Variants in CNTNAP5 observed in about 807,000 individuals in gnomAD.
CNTNAP5 encodes contactin-associated protein-like 5.
CNTNAP5 carries 72 observed loss-of-function variants against 150.2 expected under a neutral mutation model. The observed-to-expected ratio is 0.48, with a 90% confidence interval of 0.40 to 0.58. The LOEUF (loss-of-function observed/expected upper bound fraction) is 0.58, where lower values mean the gene tolerates loss of function less well. CNTNAP5 is among the 20% of genes least tolerant of loss of function. CNTNAP5 has a pLI of 0.00. For missense variants in CNTNAP5, 1,636 were observed against 1,626.2 expected, an observed-to-expected ratio of 1.01 and a Z score of -0.10; for synonymous variants, 672 against 619.8, an observed-to-expected ratio of 1.08 and a Z score of -1.25.
At chr2:124,726,417 C>T (rs530672386) in intron 13 of CNTNAP5, among the ~76,000 whole-genome samples, 2 of 152,120 alleles carry the variant, frequency 1.3e-5, no homozygotes, top group African/African-American at 2.4e-5. Context: ...GTTTTCTCTC[C>T]CCTGTCACCA....
chr2:124,365,650 T>C (rs892813661), intron 3 of CNTNAP5, among the ~76,000 whole-genome samples: 6 of 152,170 alleles, frequency 3.9e-5, no homozygotes, highest in Admixed American at 6.5e-5. Flanking sequence ...AGATCCAGCT[T>C]TACTACCTCT....
chr2:124,663,620 G>A (rs1678638005), intron 13 of CNTNAP5, among the ~76,000 whole-genome samples: 1 of 152,104 alleles, frequency 6.6e-6, no homozygotes, highest in Admixed American at 6.5e-5. Flanking sequence ...AGAGAGGAAA[G>A]GAGGGAAAAT....
chr2:124,770,777 T>C lies in CNTNAP5; in HGVS notation c.2534-2022T>C, dbSNP rs796807439. Among the ~76,000 whole-genome samples the C allele has an allele frequency of 1.7e-4, 26 of 152,262 alleles. 1 individual carries two copies. Among genetic ancestry groups the C allele is most frequent in the African/African-American group, 6.0e-4 (25 of 41,568 alleles). On this transcript the variant is annotated intron_variant, in intron 16 of 23. Coordinates refer to ENST00000682447, the MANE Select transcript of CNTNAP5 (RefSeq NM_001367498.1). ...TTTGCCTAGGTTGAAAAATCACAGATCACAGTAATAATAACAACAGCCATC... is the reference window on the plus strand; with the variant it reads ...TTTGCCTAGGTTGAAAAATCACAGACCACAGTAATAATAACAACAGCCATC...
At chr2:124,798,986 T>G (rs1356865728) in intron 19 of CNTNAP5, among the ~76,000 whole-genome samples, 1 of 152,144 alleles carries the variant, frequency 6.6e-6, no homozygotes, top group Non-Finnish European at 1.5e-5. Flanking sequence ...TACTCCTACT[T>G]GATACAAAAT....
At chr2:124,707,466 T>C (rs770269282) in intron 13 of CNTNAP5, among the ~76,000 whole-genome samples, 1 of 152,230 alleles carries the variant, frequency 6.6e-6, no homozygotes. Flanking sequence ...CATTATTTCA[T>C]TATCTAAATA....
chr2:124,605,809 CAAAAAAA>C (rs36090348), intron 11 of CNTNAP5, among the ~76,000 whole-genome samples: 25 of 34,422 alleles, frequency 7.3e-4, no homozygotes, highest in Middle Eastern at 0.018. Context: ...AAGACTCTGT[CAAAAAAA>C]AAAAAAAAAA....
chr2:124,524,582 G>GCACATA (rs1335389466), intron 9 of CNTNAP5, 130 bp downstream of exon 9: 3 of 795,180 alleles, frequency 3.8e-6, no homozygotes, highest in Non-Finnish European at 5.9e-6. Flanking sequence ...ACACACACAT[G>GCACATA]CACATACACA....
rs145290131 is a variant in CNTNAP5 at position 124,307,006 on chromosome 2, G to T, written c.381+64613G>T. Among the ~76,000 whole-genome samples the T allele has an allele frequency of 3.1e-3, 473 of 152,082 alleles. 5 individuals are homozygous for T. Among genetic ancestry groups the T allele is most frequent in the African/African-American group, 0.011 (453 of 41,482 alleles). ...GCCTTCCAAAGTGCTGGGATTATAGGAATGAGCCACTGCAGCCAGCCTGGT... is the reference window on the plus strand; with the variant it reads ...GCCTTCCAAAGTGCTGGGATTATAGTAATGAGCCACTGCAGCCAGCCTGGT... On this transcript the variant is annotated intron_variant, in intron 3 of 23. Transcript: ENST00000682447.
At chr2:124,064,641 A>G (rs1245661957) in intron 1 of CNTNAP5, among the ~76,000 whole-genome samples, 1 of 152,128 alleles carries the variant, frequency 6.6e-6, no homozygotes, top group African/African-American at 2.4e-5. Flanking sequence ...GCTTTTTGAT[A>G]AAGTCAAAAC....
Position 124,571,527 on chromosome 2 carries a change from C to CTTTTTTTTTTTTTTTTTTTTTTTTT in CNTNAP5, c.1756+8225_1756+8226insTTTTTTTTTTTTTTTTTTTTTTTTT, listed in dbSNP as rs1214169811. ...CACTGAGTACTTTTTTTTCTTTTTT[C>CTTTTTTTTTTTTTTTTTTTTTTTTT]TTTTTTTTTTTTTTTTTTTTTGAGA... On this transcript the variant is annotated intron_variant, in intron 11 of 23. Coordinates refer to ENST00000682447, the MANE Select transcript of CNTNAP5 (RefSeq NM_001367498.1). 3.0e-4 allele frequency among the ~76,000 whole-genome samples: 14 copies of CTTTTTTTTTTTTTTTTTTTTTTTTT among 46,842 alleles called. 1 individual carries two copies. The highest frequency in any genetic ancestry group is 4.3e-4 in the Non-Finnish European group (12 of 28,056). 30.7% of individuals were successfully genotyped at this position (46,842 alleles called of 152,430 possible). A position where few individuals can be genotyped will look rare whatever the true frequency, so the allele number is the denominator to read the frequency against.
At chr2:124,149,937 T>G (rs186745988) in intron 1 of CNTNAP5, among the ~76,000 whole-genome samples, 9 of 152,322 alleles carry the variant, frequency 5.9e-5, no homozygotes, top group Admixed American at 1.3e-4. Context: ...TTTCACCTTC[T>G]GGCCAACACT....
At chr2:124,097,300 A>C (rs1682958871) in intron 1 of CNTNAP5, among the ~76,000 whole-genome samples, 1 of 152,172 alleles carries the variant, frequency 6.6e-6, no homozygotes, top group Non-Finnish European at 1.5e-5. Flanking sequence ...TAAAGTCCAC[A>C]TTCTAAAGCA....
intron 8 of CNTNAP5, among the ~76,000 whole-genome samples, chr2:124,508,434 T>G (rs1282171839): frequency 3.3e-5 from 5 of 152,184 alleles, no homozygotes; most frequent in African/African-American, 1.2e-4. Context: ...CGGTGAGATG[T>G]TTTTGAGTAC....
chr2:124,600,751 GAGAGAGAGAGAGAGAGAA>G (rs1343335027), intron 11 of CNTNAP5, among the ~76,000 whole-genome samples: 48 of 132,082 alleles, frequency 3.6e-4, no homozygotes, highest in East Asian at 1.9e-3. Flanking sequence ...GAGAGAGAGA[GAGAGAGAGAGAGAGAGAA>G]AGAGAGAGAA....
chr2:124,199,046 G>A (rs1273144196), intron 1 of CNTNAP5, among the ~76,000 whole-genome samples: 1 of 152,032 alleles, frequency 6.6e-6, no homozygotes, highest in Non-Finnish European at 1.5e-5. Context: ...AATTACTACA[G>A]ATTTCTATAA....
At chr2:124,277,209 A>G (rs756279064) in intron 3 of CNTNAP5, among the ~76,000 whole-genome samples, 3 of 152,166 alleles carry the variant, frequency 2.0e-5, no homozygotes, top group Non-Finnish European at 4.4e-5. Flanking sequence ...TTGTTTCTCT[A>G]TAAATAACCA....
intron 1 of CNTNAP5, among the ~76,000 whole-genome samples, chr2:124,092,633 GTTCAA>G (rs1388392372): frequency 6.6e-6 from 1 of 152,176 alleles, no homozygotes; most frequent in Non-Finnish European, 1.5e-5. Context: ...CTTTGCCGTA[GTTCAA>G]TTTCTCAGAC....
At chr2:124,207,089 T>C (rs11674308) in intron 1 of CNTNAP5, among the ~76,000 whole-genome samples, 371 of 152,334 alleles carry the variant, frequency 2.4e-3, no homozygotes, top group Non-Finnish European at 3.9e-3. Flanking sequence ...AAATTCCATT[T>C]AAAGAAACGA....
At chr2:124,254,302 T>A (rs1278533429) in intron 3 of CNTNAP5, among the ~76,000 whole-genome samples, 1 of 152,162 alleles carries the variant, frequency 6.6e-6, no homozygotes, top group Admixed American at 6.5e-5. Context: ...CTTCAAAATA[T>A]CCCAGCTCCT....
Sources: gnomAD v4.1 joint callset for allele counts (sites outside exome capture counted in the v4.1 genomes callset) on GRCh38, gnomAD v4.1.1 for gene constraint, MANE v1.5 for transcripts, NCBI Gene and HGNC (gene_info 2026-07-23, HGNC 2026-07-21) for gene names.